FRMPD3: variants seen among roughly 807,000 people sequenced by gnomAD.
FRMPD3 encodes FERM and PDZ domain containing 3, also known as FERM and PDZ domain-containing protein 3.
Under a neutral mutation model 97.9 loss-of-function variants are expected in FRMPD3, and 42 were observed. The ratio of observed to expected loss-of-function variants is 0.43; its 90% CI spans 0.34 to 0.55. FRMPD3 has a LOEUF of 0.55. Ranked by LOEUF, FRMPD3 falls within the 20% of genes least tolerant of loss-of-function variation. The pLI, the probability that FRMPD3 is intolerant of heterozygous loss-of-function variation, is 0.03. For missense variants in FRMPD3, 1,303 were observed against 1,457.7 expected (o/e 0.89, Z 1.73); for synonymous variants, 577 against 581.1 (o/e 0.99, Z 0.10).
chrX:107,583,794 C>T (rs1189259603), intron 13 of FRMPD3, among the ~76,000 whole-genome samples: 2 of 110,908 alleles, frequency 1.8e-5, no homozygotes, highest in African/African-American at 3.3e-5. Context: ...ACTGGCAAGA[C>T]ATGGTATCTT....
chrX:107,500,805 C>CAAA (rs768889360), intron 1 of FRMPD3, among the ~76,000 whole-genome samples: 8 of 34,517 alleles, frequency 2.3e-4, no homozygotes, highest in African/African-American at 5.6e-4. Context: ...AAGACTCTGT[C>CAAA]AAAAAAAAAA....
intron 1 of FRMPD3, among the ~76,000 whole-genome samples, chrX:107,457,003 A>G (rs1181125574): frequency 8.9e-6 from 1 of 111,838 alleles, no homozygotes; most frequent in Non-Finnish European, 1.9e-5. Context: ...GGGTGAATGT[A>G]TTTGGAGGTA....
intron 1 of FRMPD3, among the ~76,000 whole-genome samples, chrX:107,490,752 C>G (rs1044627310): frequency 2.7e-5 from 3 of 111,754 alleles, no homozygotes; most frequent in Non-Finnish European, 5.6e-5. Context: ...CGTTATTTCC[C>G]TGTGTGTGTG....
At chrX:107,483,896 C>T (rs779868989) in intron 1 of FRMPD3, among the ~76,000 whole-genome samples, 1 of 111,693 alleles carries the variant, frequency 9.0e-6, no homozygotes, top group South Asian at 3.8e-4. Context: ...TGCAAAAGAA[C>T]ATATACACTG....
At chrX:107,529,228 C>A (rs1348948134) in intron 2 of FRMPD3, among the ~76,000 whole-genome samples, 1 of 111,705 alleles carries the variant, frequency 9.0e-6, no homozygotes, top group Non-Finnish European at 1.9e-5. Context: ...CTACCCTCAC[C>A]CTTTGCCCCA....
intron 1 of FRMPD3, among the ~76,000 whole-genome samples, chrX:107,511,166 A>T (rs1353188541): frequency 8.9e-6 from 1 of 111,906 alleles, no homozygotes; most frequent in African/African-American, 3.2e-5. Context: ...TGAGAGAGGG[A>T]GTGAGAGAAA....
At chrX:107,589,172 T>G (rs1923796792) in intron 13 of FRMPD3, among the ~76,000 whole-genome samples, 2 of 111,102 alleles carry the variant, frequency 1.8e-5, no homozygotes, top group Non-Finnish European at 3.8e-5. Flanking sequence ...CCTTTTGAGT[T>G]TTGAGCTTTT....
intron 13 of FRMPD3, among the ~76,000 whole-genome samples, chrX:107,585,217 G>T (rs920825598): frequency 9.0e-6 from 1 of 111,080 alleles, no homozygotes; most frequent in Non-Finnish European, 1.9e-5. Flanking sequence ...GTGAATGGGA[G>T]TTCATTCATG....
chrX:107,474,227 C>T (rs1449672726), intron 1 of FRMPD3, among the ~76,000 whole-genome samples: 1 of 112,025 alleles, frequency 8.9e-6, no homozygotes, highest in African/African-American at 3.3e-5. Flanking sequence ...TTGCCCTGGC[C>T]GTGCAGCTTA....
intron 1 of FRMPD3, among the ~76,000 whole-genome samples, chrX:107,517,759 G>GAA (rs1322646104): frequency 4.6e-4 from 34 of 73,153 alleles, no homozygotes; most frequent in African/African-American, 1.7e-3. Context: ...GAAACTCTGG[G>GAA]AAAAAAAAAA....
Position 107,601,563 on chromosome X carries a change from C to T in FRMPD3, c.3524C>T (p.Ser1175Phe), listed in dbSNP as rs750186889. 5 of 1,195,220 alleles carry T rather than the reference C, an allele frequency of 4.2e-6. No individual in the cohort carries two copies. The highest frequency in any genetic ancestry group is 5.6e-6 in the Non-Finnish European group (5 of 888,516). Residue 1175 changes from serine (S) to phenylalanine (F), a missense_variant, in exon 15 of 15, where the codon TCT (serine) becomes TTT (phenylalanine). Around this residue, in one of 3 missense-constraint regions of FRMPD3, gnomAD observed 764 missense variants for 820.2 expected, o/e 0.93. Coordinates refer to ENST00000683843, the MANE Select transcript of FRMPD3 (RefSeq NM_001388459.1). ...CQPRGQSPLR[S>F]QAASRQVSTM... ...CCTCGAGGCCAGAGCCCACTGAGGT[C>T]TCAGGCTGCCAGCCGGCAGGTGAGC... is the stretch of plus-strand genomic sequence containing the variant.
intron 14 of FRMPD3, 129 bp from the exon 15 acceptor site, chrX:107,600,174 C>A: frequency 1.2e-6 from 1 of 826,465 alleles, no homozygotes; most frequent in Non-Finnish European, 1.7e-6. Flanking sequence ...GGGACTTGAG[C>A]ATCTGCAAGT....
At chrX:107,542,414 C>A (rs965009310) in intron 4 of FRMPD3, among the ~76,000 whole-genome samples, 2 of 111,846 alleles carry the variant, frequency 1.8e-5, no homozygotes, top group African/African-American at 6.5e-5. Flanking sequence ...TGGAAATCAT[C>A]AGAAGCTTGA....
intron 1 of FRMPD3, among the ~76,000 whole-genome samples, chrX:107,507,022 G>A (rs1922049028): frequency 9.0e-6 from 1 of 110,651 alleles, no homozygotes; most frequent in Admixed American, 9.5e-5. Flanking sequence ...TAAGTACTGC[G>A]CTCTGAGCAG....
rs752252029 is a variant in FRMPD3 at position 107,597,506 on chromosome X, C to T, written c.1627C>T (p.Arg543Trp). 5 of 1,210,709 alleles carry T rather than the reference C, an allele frequency of 4.1e-6. No homozygotes were observed. The highest frequency in any genetic ancestry group is 2.3e-4 in the Middle Eastern group (1 of 4,354). Reference sequence around the variant, plus strand: ...GGAACAAAGGAAGGAGCAGGAAAGCCGGACAGATGTCAACGAGAACCTAAT... The same window carrying T: ...GGAACAAAGGAAGGAGCAGGAAAGCTGGACAGATGTCAACGAGAACCTAAT... ...MREQRKEQES[R>W]TDVNENLIFF... Residue 543 changes from arginine to tryptophan, a missense_variant, in exon 14 of 15, where the codon CGG becomes TGG. Physicochemically the swap from Arg to Trp is moderately radical, Grantham distance 101. Transcript: ENST00000683843.
intron 1 of FRMPD3, among the ~76,000 whole-genome samples, chrX:107,481,140 G>A (rs780956871): frequency 9.0e-6 from 1 of 111,625 alleles, no homozygotes; most frequent in Non-Finnish European, 1.9e-5. Flanking sequence ...TCAAAAGGAC[G>A]GACCTGTGAC....
intron 1 of FRMPD3, among the ~76,000 whole-genome samples, chrX:107,517,157 T>C (rs113505190): frequency 8.9e-6 from 1 of 112,231 alleles, no homozygotes; most frequent in Non-Finnish European, 1.9e-5. Context: ...TTCTTGTTTT[T>C]ATCAGATAGT....
intron 1 of FRMPD3, among the ~76,000 whole-genome samples, chrX:107,485,967 C>T (rs1272390393): frequency 2.7e-5 from 3 of 112,285 alleles, no homozygotes; most frequent in Non-Finnish European, 5.6e-5. Context: ...ATCGGCCATT[C>T]TCTGCCTTTG....
Position 107,558,431 on chromosome X carries a change from A to T in FRMPD3, c.763-1826A>T, listed in dbSNP as rs1411129286. Among the ~76,000 whole-genome samples the T allele has an allele frequency of 2.7e-5, 3 of 110,822 alleles. No individual in the cohort carries two copies. In the South Asian group the frequency reaches 1.2e-3, roughly 43 times the overall value. ...CACTTGAGCTCAGGAGTTCAAGACC[A>T]GCCTGGGCAACATAGTGAGACCCCC... On this transcript the variant is annotated intron_variant, in intron 8 of 14. Coordinates refer to ENST00000683843, the MANE Select transcript of FRMPD3 (RefSeq NM_001388459.1).
Sources: allele counts gnomAD v4.1 joint callset (sites outside exome capture counted in the v4.1 genomes callset), GRCh38; gene constraint gnomAD v4.1.1; regional missense constraint gnomAD v4.1.1; transcripts MANE v1.5; gene names NCBI Gene and HGNC (gene_info 2026-07-23, HGNC 2026-07-21).